Variants in TESC observed in about 807,000 individuals in gnomAD.
TESC encodes the protein tescalcin.
TESC carries 19 observed loss-of-function variants against 31.0 expected under a neutral mutation model. The observed-to-expected ratio is 0.61, with a 90% CI of 0.43 to 0.90. The LOEUF is 0.90. TESC is among the 40% of genes least tolerant of loss of function. TESC has a pLI of 0.00. For missense variants in TESC, 248 were observed against 303.8 expected (o/e 0.82, Z 1.36); for synonymous variants, 109 against 114.8 (o/e 0.95, Z 0.32).
chr12:117,051,015 C>T (rs1385842594), intron 3 of TESC, among the ~76,000 whole-genome samples: 1 of 152,196 alleles, frequency 6.6e-6, no homozygotes, highest in African/African-American at 2.4e-5. Context: ...GGACTGTGAC[C>T]ATGAGCGCCC....
intron 1 of TESC, among the ~76,000 whole-genome samples, chr12:117,080,838 C>T (rs1352347834): frequency 1.3e-5 from 2 of 152,176 alleles, no homozygotes; most frequent in Non-Finnish European, 2.9e-5. Flanking sequence ...GCATGTCTGC[C>T]TGCATCAGGG....
At chr12:117,075,834 T>G (rs1955045014) in intron 1 of TESC, among the ~76,000 whole-genome samples, 2 of 132,602 alleles carry the variant, frequency 1.5e-5, no homozygotes, top group Non-Finnish European at 3.1e-5. Context: ...CCGGCTAATT[T>G]TCGTGTGTGT....
intron 1 of TESC, among the ~76,000 whole-genome samples, chr12:117,091,750 C>T (rs1316372339): frequency 6.6e-6 from 1 of 152,214 alleles, no homozygotes. Flanking sequence ...GGCAACCCAC[C>T]TAGATTCCAG....
intron 2 of TESC, among the ~76,000 whole-genome samples, chr12:117,070,131 G>C (rs1186652654): frequency 1.3e-5 from 2 of 152,212 alleles, no homozygotes; most frequent in Non-Finnish European, 2.9e-5. Context: ...GGGCCTGTTG[G>C]ACAGCTTCCA....
intron 1 of TESC, chr12:117,098,738 C>G (rs1955429260): frequency 6.5e-6 from 1 of 152,726 alleles, no homozygotes; most frequent in Non-Finnish European, 1.5e-5. Context: ...AGGACGAAAG[C>G]AGGCGCCGGG....
At chr12:117,065,190 T>C (rs1954858571) in intron 2 of TESC, among the ~76,000 whole-genome samples, 2 of 151,982 alleles carry the variant, frequency 1.3e-5, no homozygotes, top group Admixed American at 6.6e-5. Context: ...ACCGTGAGCC[T>C]GGATGGTGGA....
chr12:117,056,260 T>C (rs1460817683), intron 3 of TESC, among the ~76,000 whole-genome samples: 3 of 152,228 alleles, frequency 2.0e-5, no homozygotes, highest in African/African-American at 4.8e-5. Context: ...TTTCACCATG[T>C]TGGCCAGGCT....
In TESC at chr12:117,051,623, G is replaced by A. The variant is rs371487234; in HGVS notation, c.210-2465C>T. 1.1e-4 allele frequency among the ~76,000 whole-genome samples: 16 copies of A among 152,294 alleles called. No homozygotes were observed. The East Asian group carries it at 2.1e-3, about 20-fold the overall frequency. ...CTGCTCTGAAAGCCCTTCCCACAGC[G>A]ACTGGCTCACACGTCCTTCCCAAGT... On this transcript the variant is annotated intron_variant, in intron 3 of 7. Transcript: ENST00000335209.
chr12:117,086,101 C>T (rs1224695295), intron 1 of TESC, among the ~76,000 whole-genome samples: 2 of 152,066 alleles, frequency 1.3e-5, no homozygotes, highest in Non-Finnish European at 2.9e-5. Flanking sequence ...TCCACACAGG[C>T]AGAACACAGA....
intron 6 of TESC, 25 bp from the exon 7 acceptor site, chr12:117,042,019 C>G (rs1429708662): frequency 1.3e-6 from 2 of 1,584,808 alleles, no homozygotes; most frequent in African/African-American, 1.3e-5. Flanking sequence ...ACAGGGTGGA[C>G]AGTGAGTGGC....
At chr12:117,061,669 A>T (rs1174457839) in intron 2 of TESC, among the ~76,000 whole-genome samples, 1 of 151,484 alleles carries the variant, frequency 6.6e-6, no homozygotes, top group Non-Finnish European at 1.5e-5. Flanking sequence ...CTCTCTCTCC[A>T]TAGGCACCTG....
chr12:117,050,270 G>C (rs1325169559), intron 3 of TESC, among the ~76,000 whole-genome samples: 1 of 152,188 alleles, frequency 6.6e-6, no homozygotes, highest in Non-Finnish European at 1.5e-5. Flanking sequence ...GCAGAGCTGA[G>C]TAGCTGCAAC....
At chr12:117,056,251 T>TCC (rs1954722775) in intron 3 of TESC, among the ~76,000 whole-genome samples, 1 of 152,168 alleles carries the variant, frequency 6.6e-6, no homozygotes, top group African/African-American at 2.4e-5. Flanking sequence ...GAAACAGGGT[T>TCC]TCACCATGTT....
At chr12:117,075,875 G>GTATATATATA (rs528031954) in intron 1 of TESC, among the ~76,000 whole-genome samples, 3 of 62,542 alleles carry the variant, frequency 4.8e-5, no homozygotes, top group Non-Finnish European at 5.5e-5. Flanking sequence ...ATATATGTGT[G>GTATATATATA]TATATATATA....
intron 7 of TESC, among the ~76,000 whole-genome samples, chr12:117,041,283 A>C (rs1954479832): frequency 6.6e-6 from 1 of 151,990 alleles, no homozygotes; most frequent in Admixed American, 6.6e-5. Context: ...TCCGAGAAAC[A>C]CTATTTCTAA....
intron 7 of TESC, among the ~76,000 whole-genome samples, chr12:117,039,697 T>G (rs1954453888): frequency 6.6e-6 from 1 of 152,182 alleles, no homozygotes; most frequent in Non-Finnish European, 1.5e-5. Flanking sequence ...CGTCATCAAT[T>G]TAAGGATCTC....
intron 2 of TESC, among the ~76,000 whole-genome samples, chr12:117,064,728 G>A (rs1364421380): frequency 2.0e-5 from 3 of 152,200 alleles, no homozygotes; most frequent in Non-Finnish European, 4.4e-5. Context: ...GTTTAAATGA[G>A]GTTGACCACA....
chr12:117,078,488 T>G (rs919497914), intron 1 of TESC, among the ~76,000 whole-genome samples: 5 of 152,074 alleles, frequency 3.3e-5, no homozygotes, highest in Non-Finnish European at 5.9e-5. Context: ...AAAAACAGAT[T>G]GGTCAAACAC....
intron 1 of TESC, 54 bp from the exon 2 acceptor site, chr12:117,075,394 G>A: frequency 1.3e-6 from 2 of 1,581,352 alleles, no homozygotes; most frequent in South Asian, 2.2e-5. Flanking sequence ...ATCACTGACT[G>A]TCAGAGGGAG....
Sources: allele counts gnomAD v4.1 joint callset (sites outside exome capture counted in the v4.1 genomes callset), GRCh38; gene constraint gnomAD v4.1.1; transcripts MANE v1.5; gene names NCBI Gene and HGNC (gene_info 2026-07-23, HGNC 2026-07-21).